The following TCF20 variants were observed in gnomAD, a reference collection of about 807,000 sequenced individuals.
TCF20 encodes SPRE-binding protein.
Under a neutral mutation model 148.6 loss-of-function variants are expected in TCF20, and 3 were observed. The ratio of observed to expected loss-of-function variants is 0.02; its 90% confidence interval spans 0.01 to 0.05. TCF20 has a LOEUF of 0.05. Ranked by LOEUF, TCF20 falls within the 10% of genes least tolerant of loss-of-function variation. The pLI is 1.00. For missense variants in TCF20, 2,350 were observed against 2,429.3 expected (o/e 0.97, Z 0.69); for synonymous variants, 1,049 against 909.5 (o/e 1.15, Z -2.76).
intron 2 of TCF20, 51 bp downstream of exon 2, chr22:42,209,600 G>A (rs755550377): frequency 1.3e-6 from 2 of 1,529,788 alleles, no homozygotes; most frequent in East Asian, 2.3e-5. Context: ...GCAAGAAAAG[G>A]AACCAAATGA....
intron 2 of TCF20, among the ~76,000 whole-genome samples, chr22:42,202,382 T>C (rs1938090614): frequency 6.6e-6 from 1 of 152,212 alleles, no homozygotes; most frequent in Admixed American, 6.5e-5. Flanking sequence ...CTCTTTACTG[T>C]AGGTGCTGTC....
chr22:42,234,398 T>A (rs1401452865), intron 1 of TCF20, among the ~76,000 whole-genome samples: 1 of 152,170 alleles, frequency 6.6e-6, no homozygotes, highest in Non-Finnish European at 1.5e-5. Flanking sequence ...TAAAAGCCAA[T>A]GAACCTTTTT....
Position 42,317,258 on chromosome 22 carries a change from C to T in TCF20, c.-37+26221G>A, listed in dbSNP as rs193056772. ...CACAGAGCACTCCCAGCTTGAATGT[C>T]GGAGGTTCAGCCAAGAGCCCTAGCG... is the stretch of plus-strand genomic sequence containing the variant. On this transcript the variant is annotated intron_variant, in intron 1 of 1. Coordinates refer to the TCF20 transcript ENST00000515426. The surrounding 1 kb of genome is among the most constrained non-coding windows in gnomAD (Gnocchi z 4.2). Among the ~76,000 whole-genome samples the T allele has an allele frequency of 5.6e-4, 85 of 152,282 alleles. No individual in the cohort carries two copies. Among genetic ancestry groups the T allele is most frequent in the African/African-American group, 2.0e-3 (82 of 41,536 alleles).
At position 42,196,600 on chromosome 22, in the gene TCF20, C is replaced by T. The variant is rs75181277; in HGVS notation, c.5655+13051G>A. Among the ~76,000 whole-genome samples, 435 of 152,292 alleles carry T rather than the reference C, an allele frequency of 2.9e-3. 2 individuals carry two copies. The highest frequency in any genetic ancestry group is 3.7e-3 in the Non-Finnish European group (255 of 68,022). ...CTTTCAAGCAAACCAGAGGCCTTCA[C>T]CTGACATGTGTCTGAACTAAGATTT... On this transcript the variant is annotated intron_variant, in intron 2 of 5. Coordinates refer to ENST00000677622, the MANE Select transcript of TCF20 (RefSeq NM_001378418.1).
At position 42,177,035 on chromosome 22, in the gene TCF20, A is replaced by G. The variant is rs548672967; in HGVS notation, c.5749+2574T>C. Among the ~76,000 whole-genome samples, 5 of 152,274 alleles carry G rather than the reference A, an allele frequency of 3.3e-5. 1 individual carries two copies. The highest frequency in any genetic ancestry group is 1.2e-4 in the African/African-American group (5 of 41,562). ...ACAGACATGTTGTTTGAGACGATGG[A>G]TTTGCTAATTACCTAGGTCTGATCA... On this transcript the variant is annotated intron_variant, in intron 3 of 5. Transcript: ENST00000677622.
chr22:42,270,181 C>A (rs540192175), intron 1 of TCF20, among the ~76,000 whole-genome samples, 158 bp downstream of exon 1: 4 of 152,058 alleles, frequency 2.6e-5, no homozygotes, highest in South Asian at 2.1e-4. Context: ...CTCCCCTCAG[C>A]ACCCCAAGCC....
chr22:42,197,350 T>A (rs1937645134), intron 2 of TCF20, among the ~76,000 whole-genome samples: 1 of 144,698 alleles, frequency 6.9e-6, no homozygotes, highest in Non-Finnish European at 1.5e-5. Context: ...TGAGATGGAG[T>A]CTCGCTGTGT....
At chr22:42,280,622 G>A (rs1021105643) in intron 1 of TCF20, among the ~76,000 whole-genome samples, 48 of 152,176 alleles carry the variant, frequency 3.2e-4, no homozygotes, top group Admixed American at 4.6e-4. Context: ...TGCAAATCTC[G>A]CAGTCAGTGC....
intron 3 of TCF20, among the ~76,000 whole-genome samples, chr22:42,174,421 G>A (rs1305033632): frequency 6.6e-6 from 1 of 152,176 alleles, no homozygotes; most frequent in African/African-American, 2.4e-5. Context: ...GGGGGCCCTT[G>A]CTGAAGTGTG....
chr22:42,341,240 CG>C (rs2147064710), intron 1 of TCF20, among the ~76,000 whole-genome samples: 1 of 152,286 alleles, frequency 6.6e-6, no homozygotes, highest in South Asian at 2.1e-4. Flanking sequence ...GCCGTCACCC[CG>C]GGGGACACGC....
chr22:42,162,283 C>G (rs1935515228), intron 5 of TCF20, among the ~76,000 whole-genome samples: 1 of 152,052 alleles, frequency 6.6e-6, no homozygotes, highest in Admixed American at 6.6e-5. Context: ...GGCCCACAGT[C>G]AGTTCTTCAT....
At chr22:42,226,484 C>T (rs1922906296) in intron 1 of TCF20, among the ~76,000 whole-genome samples, 1 of 152,144 alleles carries the variant, frequency 6.6e-6, no homozygotes, top group Admixed American at 6.5e-5. Flanking sequence ...AGGCAGATCA[C>T]ACCTGAGGTC....
chr22:42,209,671 G>A lies in TCF20; in HGVS notation c.5635C>T (p.Leu1879=), dbSNP rs773281812. The A allele has an allele frequency of 6.2e-7, 1 of 1,609,570 alleles. No individual in the cohort carries two copies. The highest frequency in any genetic ancestry group is 1.1e-5 in the South Asian group (1 of 90,282). The change falls in exon 2 of 6, where the codon CTG becomes TTG. Residue 1879 remains leucine (L), a synonymous_variant. Coordinates refer to ENST00000677622, the MANE Select transcript of TCF20 (RefSeq NM_001378418.1). ...CGRLYGLQEA[L]EIAREMKCSH... ...CTCACCATCTCTCTGGCTATTTCCAGCGCTTCCTGCAGGCCATAGAGCCTG... is the reference window on the plus strand; with the variant it reads ...CTCACCATCTCTCTGGCTATTTCCAACGCTTCCTGCAGGCCATAGAGCCTG...
upstream of TCF20, among the ~76,000 whole-genome samples, chr22:42,270,830 G>C (rs553746189): frequency 3.5e-4 from 52 of 149,232 alleles, no homozygotes; most frequent in African/African-American, 1.2e-3. Context: ...GCGCCGGGTA[G>C]GGATCGCGAA....
At chr22:42,202,496 A>G (rs1057163189) in intron 2 of TCF20, among the ~76,000 whole-genome samples, 7 of 152,252 alleles carry the variant, frequency 4.6e-5, no homozygotes. Flanking sequence ...CATATGAAGC[A>G]GTGTGACTCT....
intron 2 of TCF20, among the ~76,000 whole-genome samples, chr22:42,187,698 T>C (rs980912739): frequency 1.3e-5 from 2 of 152,270 alleles, no homozygotes; most frequent in Non-Finnish European, 2.9e-5. Flanking sequence ...AAAGTTATGA[T>C]GTTTTCCATC....
chr22:42,163,162 G>C (rs756354704), intron 5 of TCF20, among the ~76,000 whole-genome samples: 48 of 152,170 alleles, frequency 3.2e-4, no homozygotes, highest in Non-Finnish European at 5.4e-4. Context: ...CCCCAATCTT[G>C]CTCATTACTC....
At chr22:42,224,804 A>G (rs1321069889) in intron 1 of TCF20, among the ~76,000 whole-genome samples, 1 of 152,122 alleles carries the variant, frequency 6.6e-6, no homozygotes, top group African/African-American at 2.4e-5. Flanking sequence ...ATCAGATGAA[A>G]AGAGCAGCTC....
At chr22:42,242,199 C>T (rs111404889) in intron 1 of TCF20, among the ~76,000 whole-genome samples, 24,857 of 78,492 alleles carry the variant, frequency 0.32, 3,187 homozygotes, top group African/African-American at 0.51. Context: ...CGAGACTTCG[C>T]CTCAAAAAAA....
Sources: gnomAD v4.1 joint callset for allele counts (sites outside exome capture counted in the v4.1 genomes callset) on GRCh38, gnomAD v4.1.1 for gene constraint, Gnocchi (gnomAD v3.1) non-coding constraint, MANE v1.5 for transcripts, NCBI Gene and HGNC (gene_info 2026-07-23, HGNC 2026-07-21) for gene names.